Variants in WDR87 observed in about 807,000 individuals in gnomAD.
WDR87 encodes the protein WD repeat domain 87.
In WDR87, 56 loss-of-function variants were observed where a neutral mutation model predicts 83.3. The ratio of observed to expected loss-of-function variants is 0.67; its 90% confidence interval spans 0.54 to 0.84. The LOEUF (loss-of-function observed/expected upper bound fraction) is 0.84, where lower values mean the gene tolerates loss of function less well. Ranked by LOEUF, WDR87 falls within the 40% of genes least tolerant of loss-of-function variation. The probability of loss-of-function intolerance (pLI) is 0.00; values close to 1 mark genes in which losing one functional copy is unlikely to be tolerated. For synonymous variants in WDR87, 1,173 were observed against 1,250.6 expected (o/e 0.94, Z 1.31); for missense variants, 2,939 against 3,431.9 (o/e 0.86, Z 3.59).
Position 37,898,303 on chromosome 19 carries a change from A to G in WDR87, c.-46-18T>C. ...TTAAAAACCTGTGGGAATCCAAAAG[A>G]GCCCAGCTTAGTCACTGCCATTTTC... On this transcript the variant is annotated intron_variant, in intron 1 of 5. Coordinates refer to ENST00000447313, the MANE Select transcript of WDR87 (RefSeq NM_001291088.2). 1 of 1,529,500 alleles carries G rather than the reference A, an allele frequency of 6.5e-7. No individual in the cohort carries two copies. The highest frequency in any genetic ancestry group is 8.8e-7 in the Non-Finnish European group (1 of 1,137,910). The allele number at this position is 1,529,500 out of a possible 1,614,324, so 94.7% of individuals were successfully genotyped here.
chr19:37,889,689 C>T lies in WDR87; in HGVS notation c.3982G>A (p.Glu1328Lys). The change falls in exon 6 of 6, where the codon GAG becomes AAG. Residue 1328 changes from glutamate to lysine, a missense_variant. Physicochemically the swap from Glu to Lys is moderately conservative, Grantham distance 56. Coordinates refer to ENST00000447313, the MANE Select transcript of WDR87 (RefSeq NM_001291088.2). ...TCTTTCTTCAATAGGGGGCAGATCT[C>T]CTGAAAGAGTTCCCAGCTGGGGTGC... The part of the protein sequence containing the change: ...DRHPSWELFQ[E>K]ICPLLKKESK... 3 of 1,551,780 alleles carry T rather than the reference C, an allele frequency of 1.9e-6. No homozygotes were observed. Among genetic ancestry groups the T allele is most frequent in the Non-Finnish European group, 2.6e-6 (3 of 1,147,030 alleles).
intron 1 of WDR87, among the ~76,000 whole-genome samples, chr19:37,904,572 CT>C (rs2046312095): frequency 6.6e-6 from 1 of 151,480 alleles, no homozygotes; most frequent in Non-Finnish European, 1.5e-5. Flanking sequence ...TTTGGCCAGG[CT>C]GGTCTCAAAC....
intron 1 of WDR87, among the ~76,000 whole-genome samples, chr19:37,902,452 A>G (rs2046299235): frequency 6.6e-6 from 1 of 152,088 alleles, no homozygotes; most frequent in African/African-American, 2.4e-5. Context: ...TTCTGACCTC[A>G]GGTCATCTGC....
Position 37,888,060 on chromosome 19 carries a change from T to C in WDR87, c.5611A>G (p.Ile1871Val). The change falls in exon 6 of 6, where the codon ATA becomes GTA. Residue 1871 changes from isoleucine to valine, a missense_variant. Transcript: ENST00000447313. ...SMEELTKNKM[I>V]LYQKKNLAQE... ...GCCAGATTCTTCTTCTGGTACAGTATCATCTTGTTCTTTGTGAGTTCTTCC... is the reference window on the plus strand; with the variant it reads ...GCCAGATTCTTCTTCTGGTACAGTACCATCTTGTTCTTTGTGAGTTCTTCC... The C allele has an allele frequency of 6.4e-7, 1 of 1,551,766 alleles. No homozygotes were observed. Among genetic ancestry groups the C allele is most frequent in the Non-Finnish European group, 8.7e-7 (1 of 1,147,012 alleles).
Position 37,887,955 on chromosome 19 carries a change from GTCTT to G in WDR87, c.5712_5715del (p.Glu1904AspfsTer9), listed in dbSNP as rs1235165396. The G allele has an allele frequency of 2.6e-6, 4 of 1,551,104 alleles. No individual in the cohort carries two copies. Among genetic ancestry groups the G allele is most frequent in the South Asian group, 1.2e-5 (1 of 83,772 alleles). ...ACTAATTGCTTTTTGCTGTGGGTGA[GTCTT>G]TCTTTATTATAGAGTAGGTTCTCTT... is the stretch of plus-strand genomic sequence containing the variant. On this transcript the variant is annotated frameshift_variant, in exon 6 of 6. Coordinates refer to ENST00000447313, the MANE Select transcript of WDR87 (RefSeq NM_001291088.2). LOFTEE classifies it low-confidence loss of function (END_TRUNC).
chr19:37,905,572 T>TG, intron 1 of WDR87, among the ~76,000 whole-genome samples: 1 of 152,148 alleles, frequency 6.6e-6, no homozygotes, highest in Admixed American at 6.5e-5. Flanking sequence ...AATTTTTTTT[T>TG]TTTTTAAAGA....
At chr19:37,901,725 T>A (rs1252967814) in intron 1 of WDR87, among the ~76,000 whole-genome samples, 1 of 152,012 alleles carries the variant, frequency 6.6e-6, no homozygotes, top group Non-Finnish European at 1.5e-5. Flanking sequence ...ATGTGGTTTT[T>A]TTTTTTGAGA....
chr19:37,896,950 G>T (rs978085370), intron 2 of WDR87, among the ~76,000 whole-genome samples: 1 of 152,056 alleles, frequency 6.6e-6, no homozygotes, highest in African/African-American at 2.4e-5. Flanking sequence ...TGTGTAGAAG[G>T]TACATGTACC....
At position 37,889,016 on chromosome 19, in the gene WDR87, T is replaced by G; in HGVS notation, c.4655A>C (p.Asp1552Ala). The change falls in exon 6 of 6, where the codon GAC (aspartate) becomes GCC (alanine). Residue 1552 changes from aspartate (D) to alanine (A), a missense_variant. Coordinates refer to ENST00000447313, the MANE Select transcript of WDR87 (RefSeq NM_001291088.2). ...LSPEEEMLQE[D>A]KKLKWEEWKQ... ...CCACTCCTCCCATTTCAGCTTCTTG[T>G]CCTCCTGAAGCATTTCCTCCTCCGG... 8 of 1,552,100 alleles carry G rather than the reference T, an allele frequency of 5.2e-6. No homozygotes were observed. Among genetic ancestry groups the G allele is most frequent in the Non-Finnish European group, 7.0e-6 (8 of 1,147,086 alleles).
Position 37,893,048 on chromosome 19 carries a change from G to C in WDR87, c.2655C>G (p.His885Gln), listed in dbSNP as rs909769847. 6.4e-7 allele frequency: 1 copy of C among 1,551,758 alleles called. No homozygotes were observed. The highest frequency in any genetic ancestry group is 8.7e-7 in the Non-Finnish European group (1 of 1,147,010). ...EYPKNKEEDE[H>Q]FLEMRLSKDV... is the part of the protein sequence containing the mutation. ...CCTTGGAAAGTCTCATTTCTAGGAA[G>C]TGTTCATCCTCCTCCTTATTCTTTG... The change falls in exon 4 of 6, where the codon CAC becomes CAG. Residue 885 changes from histidine to glutamine, a missense_variant. His to Gln is a conservative substitution (Grantham distance 24). Around this residue, in one of 3 missense-constraint regions of WDR87, gnomAD observed 2,160 missense variants for 2,533.1 expected, o/e 0.85. Coordinates refer to ENST00000447313, the MANE Select transcript of WDR87 (RefSeq NM_001291088.2).
chr19:37,888,992 C>CCAG lies in WDR87; in HGVS notation c.4678_4679insCTG (p.Trp1560delinsSerGly). ...TAACATATTTTCCCAGACTTGTTTC[C>CCAG]ACTCCTCCCATTTCAGCTTCTTGTC... is the stretch of plus-strand genomic sequence containing the variant. On this transcript the variant is annotated protein_altering_variant, in exon 6 of 6. Coordinates refer to ENST00000447313, the MANE Select transcript of WDR87 (RefSeq NM_001291088.2). 2 of 1,551,972 alleles carry CCAG rather than the reference C, an allele frequency of 1.3e-6. No individual in the cohort carries two copies. The highest frequency in any genetic ancestry group is 1.7e-6 in the Non-Finnish European group (2 of 1,147,078).
At position 37,886,331 on chromosome 19, in the gene WDR87, A is replaced by G; in HGVS notation, c.7340T>C (p.Val2447Ala). The change falls in exon 6 of 6, where the codon GTG (valine) becomes GCG (alanine). Residue 2447 changes from valine (V) to alanine (A), a missense_variant. Val to Ala is a moderately conservative substitution (Grantham distance 64). Coordinates refer to ENST00000447313, the MANE Select transcript of WDR87 (RefSeq NM_001291088.2). The part of the protein sequence containing the change: ...LEMKEKTPVP[V>A]PEKQISWEDK... ...TTCCCAGGATATTTGTTTCTCCGGC[A>G]CTGGCACTGGTGTTTTCTCTTTCAT... is the stretch of plus-strand genomic sequence containing the variant. 6.4e-7 allele frequency: 1 copy of G among 1,551,604 alleles called. No individual in the cohort carries two copies. The highest frequency in any genetic ancestry group is 8.7e-7 in the Non-Finnish European group (1 of 1,146,994).
chr19:37,899,438 G>GAAC (rs2046280563), intron 1 of WDR87, among the ~76,000 whole-genome samples: 1 of 139,602 alleles, frequency 7.2e-6, no homozygotes, highest in Non-Finnish European at 1.6e-5. Flanking sequence ...AAAAAAAAAG[G>GAAC]AAAAAAAAAG....
rs36052498 is a variant in WDR87, at chr19:37,905,563, A to ATT, written c.-47+934_-47+935dup. Among the ~76,000 whole-genome samples the ATT allele has an allele frequency of 4.5e-4, 67 of 147,934 alleles. No individual in the cohort carries two copies. The South Asian group carries it at 4.7e-3, about 10-fold the overall frequency. Reference sequence around the variant, plus strand: ...ACACATAAAAACACACACATATATAATTTTTTTTTTTTTTAAAGAGACAGG... The same window carrying ATT: ...ACACATAAAAACACACACATATATAATTTTTTTTTTTTTTTTAAAGAGACAGG... On this transcript the variant is annotated intron_variant, in intron 1 of 5. Coordinates refer to ENST00000447313, the MANE Select transcript of WDR87 (RefSeq NM_001291088.2).
chr19:37,887,405 C>T lies in WDR87; in HGVS notation c.6266G>A (p.Arg2089Lys). The part of the protein sequence containing the change: ...RGQRIFVQGQ[R>K]KLAKASRKLI... ...CTTCCTTGAAGCCTTGGCTAACTTT[C>T]TTTGCCCCTGGACAAATATTCTCTG... The change falls in exon 6 of 6, where the codon AGA becomes AAA. Residue 2089 changes from arginine to lysine, a missense_variant. Around this residue, in one of 3 missense-constraint regions of WDR87, gnomAD observed 2,160 missense variants for 2,533.1 expected, o/e 0.85. Transcript: ENST00000447313. 6.4e-7 allele frequency: 1 copy of T among 1,551,662 alleles called. No homozygotes were observed. Among genetic ancestry groups the T allele is most frequent in the Non-Finnish European group, 8.7e-7 (1 of 1,146,984 alleles).
At position 37,889,850 on chromosome 19, in the gene WDR87, G is replaced by A; in HGVS notation, c.3821C>T (p.Thr1274Ile). The change falls in exon 6 of 6, where the codon ACC becomes ATC. Residue 1274 changes from threonine to isoleucine, a missense_variant. Thr to Ile is a moderately conservative substitution (Grantham distance 89). Around this residue, in one of 3 missense-constraint regions of WDR87, gnomAD observed 2,160 missense variants for 2,533.1 expected, o/e 0.85. Transcript: ENST00000447313. The part of the protein sequence containing the change: ...GASGISGRRS[T>I]AGDGSSWRDD... ...CCTCCATGATGAGCCATCTCCAGCGGTTGACCTGCGGCCAGATATTCCAGA... is the reference window on the plus strand; with the variant it reads ...CCTCCATGATGAGCCATCTCCAGCGATTGACCTGCGGCCAGATATTCCAGA... 1 of 1,551,742 alleles carries A rather than the reference G, an allele frequency of 6.4e-7. No individual in the cohort carries two copies. Among genetic ancestry groups the A allele is most frequent in the Non-Finnish European group, 8.7e-7 (1 of 1,147,008 alleles).
At chr19:37,895,527 G>T in intron 3 of WDR87, 71 bp from the exon 4 acceptor site, 1 of 1,415,036 alleles carries the variant, frequency 7.1e-7, no homozygotes, top group Non-Finnish European at 9.5e-7. Context: ...CAGCACTTTG[G>T]GAGGCCGAGG....
rs142793562 is a variant in WDR87, at chr19:37,891,773, C to T, written c.3173G>A (p.Arg1058Gln). ...GGAAAGGATTTGGAGATCTGTGGCC[C>T]GCATCCCCAGTAGATGGTCCAGGGG... is the stretch of plus-strand genomic sequence containing the variant. Reference protein sequence around the residue: ...EEPLDHLLGMRATDLQILSTQ... With the variant: ...EEPLDHLLGMQATDLQILSTQ... The change falls in exon 5 of 6, where the codon CGG becomes CAG. Residue 1058 changes from arginine to glutamine, a missense_variant. Arg to Gln is a conservative substitution (Grantham distance 43, BLOSUM62 1). This residue lies in a region of WDR87 where 2,160 missense variants were observed against 2,533.1 expected (regional missense o/e 0.85). Transcript: ENST00000447313. 26 of 1,552,230 alleles carry T rather than the reference C, an allele frequency of 1.7e-5. No individual in the cohort carries two copies. The highest frequency in any genetic ancestry group is 5.5e-5 in the African/African-American group (4 of 73,164).
In WDR87 at chr19:37,889,692, G is replaced by T. The variant is rs867434308; in HGVS notation, c.3979C>A (p.Gln1327Lys). Residue 1327 changes from glutamine (Q) to lysine (K), a missense_variant, in exon 6 of 6, where the codon CAG (glutamine) becomes AAG (lysine). Around this residue, in one of 3 missense-constraint regions of WDR87, gnomAD observed 2,160 missense variants for 2,533.1 expected, o/e 0.85. Transcript: ENST00000447313. ...VDRHPSWELF[Q>K]EICPLLKKES... is the part of the protein sequence containing the mutation. ...TTCTTCAATAGGGGGCAGATCTCCT[G>T]AAAGAGTTCCCAGCTGGGGTGCCTA... 6 of 1,551,600 alleles carry T rather than the reference G, an allele frequency of 3.9e-6. No homozygotes were observed. Among genetic ancestry groups the T allele is most frequent in the Non-Finnish European group, 5.2e-6 (6 of 1,147,030 alleles).
Sources: allele counts gnomAD v4.1 joint callset (sites outside exome capture counted in the v4.1 genomes callset), GRCh38; gene constraint gnomAD v4.1.1; regional missense constraint gnomAD v4.1.1; transcripts MANE v1.5; gene names NCBI Gene and HGNC (gene_info 2026-07-23, HGNC 2026-07-21).